Variants in MINK1 observed in about 807,000 individuals in gnomAD.
The protein encoded by MINK1 is misshapen like kinase 1.
In MINK1, 46 loss-of-function variants were observed where a neutral mutation model predicts 178.4. That is an observed-to-expected ratio of 0.26 (90% CI 0.20 to 0.33). The LOEUF (loss-of-function observed/expected upper bound fraction) is 0.33. MINK1 is among the 10% of genes least tolerant of loss of function. MINK1 has a pLI of 1.00. For synonymous variants in MINK1, 797 were observed against 709.7 expected (o/e 1.12, Z -1.96); for missense variants, 1,366 against 1,814.9 (o/e 0.75, Z 4.49).
In MINK1 at chr17:4,887,491, A is replaced by T; in HGVS notation, c.1020-89A>T. 2 of 1,243,240 alleles carry T rather than the reference A, an allele frequency of 1.6e-6. No individual in the cohort carries two copies. The highest frequency in any genetic ancestry group is 2.2e-6 in the Non-Finnish European group (2 of 912,684). The allele number at this position is 1,243,240 out of a possible 1,614,324, so 77.0% of individuals were successfully genotyped here. A position where few individuals can be genotyped will look rare whatever the true frequency, so the allele number is the denominator to read the frequency against. On this transcript the variant is annotated intron_variant, in intron 11 of 31. Transcript: ENST00000355280. The surrounding 1 kb of genome is among the most constrained non-coding windows in gnomAD (Gnocchi z 7.6). ...CAGAGGCAGAGGCTTTGATCCAGTT[A>T]AAGCACCCACTCAGGCGGGCCCACG...
chr17:4,885,738 A>G lies in MINK1; in HGVS notation c.639+125A>G. The G allele has an allele frequency of 6.9e-7, 1 of 1,448,294 alleles. No homozygotes were observed. Among genetic ancestry groups the G allele is most frequent in the Admixed American group, 2.0e-5 (1 of 51,060 alleles). 89.7% of individuals were successfully genotyped at this position (1,448,294 alleles called of 1,614,324 possible). A position where few individuals can be genotyped will look rare whatever the true frequency, so the allele number is the denominator to read the frequency against. The stretch of plus-strand genomic sequence containing the variant: ...TGATGTTAGCAGTGAGGGGCTGGGG[A>G]ACATCTTACGGCAAGGCAAGTGTGG... On this transcript the variant is annotated intron_variant, in intron 7 of 31. Transcript: ENST00000355280. The surrounding 1 kb of genome is among the most constrained non-coding windows in gnomAD (Gnocchi z 5.0).
intron 1 of MINK1, chr17:4,844,687 G>A (rs1425613522): frequency 7.9e-6 from 3 of 377,426 alleles, no homozygotes; most frequent in East Asian, 1.8e-4. Flanking sequence ...GGGCCGCTGG[G>A]TAGATCACTG....
At chr17:4,892,792 C>A in intron 19 of MINK1, 24 bp downstream of exon 19, 3 of 1,576,576 alleles carry the variant, frequency 1.9e-6, no homozygotes, top group Non-Finnish European at 2.6e-6. Flanking sequence ...GGCTGGGCAG[C>A]CTGCTCTGGG....
At chr17:4,893,741 G>A in intron 21 of MINK1, 144 bp downstream of exon 21, 1 of 1,235,916 alleles carries the variant, frequency 8.1e-7, no homozygotes, top group Non-Finnish European at 1.1e-6. Flanking sequence ...GCAGGTTCCT[G>A]TCTCTCTCCC....
chr17:4,895,924 A>AGTG lies in MINK1; in HGVS notation c.3365-78_3365-76dup. 6.4e-7 allele frequency: 1 copy of AGTG among 1,572,766 alleles called. No individual in the cohort carries two copies. The highest frequency in any genetic ancestry group is 8.6e-7 in the Non-Finnish European group (1 of 1,158,612). ...CAGGGACTTGGGGCCTGGGTGGGGC[A>AGTG]GTGTAGTGACAGACCACGGGGAGGC... On this transcript the variant is annotated intron_variant, in intron 27 of 31. Coordinates refer to ENST00000355280, the MANE Select transcript of MINK1 (RefSeq NM_153827.5). The surrounding 1 kb of genome is among the most constrained non-coding windows in gnomAD (Gnocchi z 4.3).
intron 4 of MINK1, chr17:4,883,086 A>T (rs1419220254): frequency 1.4e-5 from 2 of 148,114 alleles, no homozygotes; most frequent in East Asian, 4.1e-4. Flanking sequence ...GCGCCACTGC[A>T]CTCCACTCTG....
chr17:4,850,671 G>A (rs796066405), intron 1 of MINK1, among the ~76,000 whole-genome samples: 3 of 152,020 alleles, frequency 2.0e-5, no homozygotes, highest in Admixed American at 1.3e-4. Flanking sequence ...TCTGGAATTC[G>A]AAATCATATG....
Position 4,897,434 on chromosome 17 carries a change from C to T in MINK1, c.*147C>T, listed in dbSNP as rs1969667266. The T allele has an allele frequency of 4.5e-6, 3 of 663,132 alleles. No individual in the cohort carries two copies. The highest frequency in any genetic ancestry group is 1.8e-5 in the African/African-American group (1 of 54,924). 41.1% of individuals were successfully genotyped at this position (663,132 alleles called of 1,614,324 possible). On this transcript the variant is annotated 3_prime_UTR_variant, in exon 32 of 32. Coordinates refer to ENST00000355280, the MANE Select transcript of MINK1 (RefSeq NM_153827.5). ...GCCTGCTGGGAACGTGACCTCTGAC[C>T]CCTGATGCTTTCGTGATCACGTGAC...
chr17:4,892,291 G>C (rs1319098890), intron 17 of MINK1, 57 bp downstream of exon 17: 2 of 1,509,548 alleles, frequency 1.3e-6, no homozygotes, highest in South Asian at 2.4e-5. Flanking sequence ...TAGGGAGTAG[G>C]GGGGGCACAG....
At chr17:4,893,620 C>G (rs745871853) in intron 21 of MINK1, 23 bp downstream of exon 21, 2 of 1,513,906 alleles carry the variant, frequency 1.3e-6, no homozygotes, top group East Asian at 4.6e-5. Flanking sequence ...GAGTGGGGCC[C>G]TCCCACTCCA....
In MINK1 at chr17:4,894,796, C is replaced by T. The variant is rs950077954; in HGVS notation, c.2917+163C>T. ...CAGAGGCAAGGAAGAGCCTCTGAGACCCCTCCTTCCTGTCCCACAGGACAG... is the reference window on the plus strand; with the variant it reads ...CAGAGGCAAGGAAGAGCCTCTGAGATCCCTCCTTCCTGTCCCACAGGACAG... On this transcript the variant is annotated intron_variant, in intron 24 of 31. Transcript: ENST00000355280. This position sits in a 1 kb window ranked among gnomAD's most constrained non-coding sequence, Gnocchi z 4.1. 4 of 643,894 alleles carry T rather than the reference C, an allele frequency of 6.2e-6. No homozygotes were observed. Among genetic ancestry groups the T allele is most frequent in the East Asian group, 5.5e-5 (2 of 36,558 alleles). The allele number at this position is 643,894 out of a possible 1,614,324, so 39.9% of individuals were successfully genotyped here.
At position 4,889,770 on chromosome 17, in the gene MINK1, C is replaced by A; in HGVS notation, c.1347+7C>A. ...GCAGGCGGAGCGCGAGCAGGTAGAG[C>A]GCCGCACCCGCATCCCTGCCCTCCC... On this transcript the variant is annotated splice_region_variant and intron_variant, in intron 13 of 31. Coordinates refer to ENST00000355280, the MANE Select transcript of MINK1 (RefSeq NM_153827.5). 1.3e-6 allele frequency: 2 copies of A among 1,523,070 alleles called. No homozygotes were observed. The allele number at this position is 1,523,070 out of a possible 1,614,324, so 94.3% of individuals were successfully genotyped here.
At chr17:4,890,296 G>A in intron 13 of MINK1, 2 of 1,311,816 alleles carry the variant, frequency 1.5e-6, no homozygotes, top group Non-Finnish European at 2.0e-6. Context: ...TCCAGGAACA[G>A]GCCCTGCTGC....
Position 4,837,652 on chromosome 17 carries a change from A to G in MINK1, c.57+4012A>G, listed in dbSNP as rs192395444. Among the ~76,000 whole-genome samples, 6 of 152,346 alleles carry G rather than the reference A, an allele frequency of 3.9e-5. No homozygotes were observed. The East Asian group carries it at 9.6e-4, about 24-fold the overall frequency. On this transcript the variant is annotated intron_variant, in intron 1 of 31. Coordinates refer to ENST00000355280, the MANE Select transcript of MINK1 (RefSeq NM_153827.5). ...ATAAATATCAGTGGAAGTGGATGGGACAAGGAGGGGGCAGGCCCCGGCCTG... is the reference window on the plus strand; with the variant it reads ...ATAAATATCAGTGGAAGTGGATGGGGCAAGGAGGGGGCAGGCCCCGGCCTG...
chr17:4,875,113 C>G (rs763817703), intron 1 of MINK1: 3 of 520,034 alleles, frequency 5.8e-6, no homozygotes, highest in South Asian at 2.8e-5. Context: ...TCAGACGCCC[C>G]GGAATGGATG....
intron 1 of MINK1, among the ~76,000 whole-genome samples, chr17:4,849,389 A>T (rs1911566891): frequency 6.6e-6 from 1 of 152,186 alleles, no homozygotes; most frequent in Non-Finnish European, 1.5e-5. Flanking sequence ...GAGACAAGAC[A>T]TTGGCACAGA....
At chr17:4,858,317 A>T (rs1273009587) in intron 1 of MINK1, among the ~76,000 whole-genome samples, 1 of 152,066 alleles carries the variant, frequency 6.6e-6, no homozygotes, top group Non-Finnish European at 1.5e-5. Flanking sequence ...CTCCCAGGCC[A>T]GCTCAGGCTC....
At position 4,895,599 on chromosome 17, in the gene MINK1, T is replaced by C. The variant is rs1329185835; in HGVS notation, c.3230-99T>C. The C allele has an allele frequency of 6.4e-7, 1 of 1,552,798 alleles. No individual in the cohort carries two copies. The highest frequency in any genetic ancestry group is 8.7e-7 in the Non-Finnish European group (1 of 1,146,038). On this transcript the variant is annotated intron_variant, in intron 26 of 31. Transcript: ENST00000355280. The surrounding 1 kb of genome is among the most constrained non-coding windows in gnomAD (Gnocchi z 4.3). Reference sequence around the variant, plus strand: ...GGCACTGGAAGGTGGGGCCACACTTTCTCACCCCTTGTGGTATGCTGACAG... The same window carrying C: ...GGCACTGGAAGGTGGGGCCACACTTCCTCACCCCTTGTGGTATGCTGACAG...
rs755596955 is a variant in MINK1 at position 4,891,079 on chromosome 17, T to G, written c.1695T>G (p.Thr565=). 3.9e-6 allele frequency: 6 copies of G among 1,551,768 alleles called. No individual in the cohort carries two copies. Among genetic ancestry groups the G allele is most frequent in the South Asian group, 1.2e-5 (1 of 84,106 alleles). The part of the protein sequence containing the change: ...SPGPPGPLSQ[T]PPMQRPVEPQ... ...GGCCCCCAGGACCCCTTTCCCAGAC[T>G]CCTCCTATGCAGAGGCCGGTGGAGC... The change falls in exon 15 of 32, where the codon ACT becomes ACG. Residue 565 remains threonine, a synonymous_variant. Transcript: ENST00000355280.
Sources: gnomAD v4.1 joint callset for allele counts (sites outside exome capture counted in the v4.1 genomes callset) on GRCh38, gnomAD v4.1.1 for gene constraint, Gnocchi (gnomAD v3.1) non-coding constraint, MANE v1.5 for transcripts, NCBI Gene and HGNC (gene_info 2026-07-23, HGNC 2026-07-21) for gene names.